DLGAP1: variants seen among roughly 807,000 people sequenced by gnomAD.
DLGAP1 encodes disks large-associated protein 1.
A neutral mutation model predicts 90.8 loss-of-function variants in DLGAP1; 11 were observed. The ratio of observed to expected loss-of-function variants is 0.12; its 90% CI spans 0.08 to 0.20. DLGAP1 has a LOEUF of 0.20. Ranked by LOEUF, DLGAP1 falls within the 10% of genes least tolerant of loss-of-function variation. The pLI is 1.00. For synonymous variants in DLGAP1, 558 were observed against 540.7 expected, an observed-to-expected ratio of 1.03 and a Z score of -0.44; for missense variants, 1,050 against 1,333.8, an observed-to-expected ratio of 0.79 and a Z score of 3.31.
chr18:4,087,602 C>A (rs1010735834), intron 2 of DLGAP1, among the ~76,000 whole-genome samples: 1 of 152,036 alleles, frequency 6.6e-6, no homozygotes, highest in African/African-American at 2.4e-5. Flanking sequence ...GCTGTGAGAC[C>A]CCTGATTTCC....
intron 7 of DLGAP1, among the ~76,000 whole-genome samples, chr18:3,720,181 T>TAAC (rs1431280318): frequency 6.6e-6 from 1 of 152,212 alleles, no homozygotes; most frequent in African/African-American, 2.4e-5. Context: ...ATATTAGAGA[T>TAAC]AACTTAGACT....
intron 6 of DLGAP1, among the ~76,000 whole-genome samples, chr18:3,736,748 G>C (rs1416378773): frequency 6.6e-6 from 1 of 152,014 alleles, no homozygotes; most frequent in Non-Finnish European, 1.5e-5. Context: ...AAAGCTAGCA[G>C]AAGGCAAGAA....
chr18:4,226,418 G>T (rs2145013204), intron 1 of DLGAP1, among the ~76,000 whole-genome samples: 1 of 151,874 alleles, frequency 6.6e-6, no homozygotes, highest in Admixed American at 6.6e-5. Flanking sequence ...AACTGTGGTG[G>T]GTAAACTTTT....
At chr18:4,451,938 T>C (rs1382161414) in intron 1 of DLGAP1, among the ~76,000 whole-genome samples, 1 of 152,074 alleles carries the variant, frequency 6.6e-6, no homozygotes, top group Non-Finnish European at 1.5e-5. Flanking sequence ...CGTGTTTAGG[T>C]TTTTCAAGAG....
At chr18:4,170,577 TAAGA>T (rs1337780467) in intron 1 of DLGAP1, among the ~76,000 whole-genome samples, 1 of 151,914 alleles carries the variant, frequency 6.6e-6, no homozygotes, top group Non-Finnish European at 1.5e-5. Context: ...ATATGAGATA[TAAGA>T]GATAGGGAAG....
intron 3 of DLGAP1, among the ~76,000 whole-genome samples, chr18:3,941,129 T>C (rs1006546010): frequency 2.0e-5 from 3 of 152,100 alleles, no homozygotes; most frequent in Admixed American, 2.0e-4. Flanking sequence ...AAATGTACAG[T>C]AAGGAAAAAA....
intron 7 of DLGAP1, among the ~76,000 whole-genome samples, chr18:3,702,836 G>C (rs1028485337): frequency 1.5e-4 from 23 of 152,170 alleles, no homozygotes. Context: ...GCTCGCTCCT[G>C]CAGCCACTCA....
intron 4 of DLGAP1, among the ~76,000 whole-genome samples, chr18:3,836,064 C>T (rs1380249183): frequency 6.6e-6 from 1 of 152,176 alleles, no homozygotes; most frequent in Non-Finnish European, 1.5e-5. Flanking sequence ...TCATACGATT[C>T]CACAGAGTTC....
At chr18:3,664,183 TACACACACACACACAC>T (rs35653599) in intron 7 of DLGAP1, among the ~76,000 whole-genome samples, 1 of 135,662 alleles carries the variant, frequency 7.4e-6, no homozygotes, top group Non-Finnish European at 1.6e-5. Flanking sequence ...TGGGTCAGTA[TACACACACACACACAC>T]ACACACACAC....
At chr18:3,755,656 T>TC (rs2063690990) in intron 5 of DLGAP1, among the ~76,000 whole-genome samples, 1 of 151,572 alleles carries the variant, frequency 6.6e-6, no homozygotes. Flanking sequence ...AACAATAGAG[T>TC]CCCAAAATAC....
At chr18:4,087,852 GGCTTT>G (rs1322681564) in intron 2 of DLGAP1, among the ~76,000 whole-genome samples, 1 of 140,160 alleles carries the variant, frequency 7.1e-6, no homozygotes, top group Admixed American at 6.9e-5. Flanking sequence ...TGTGTAGTTG[GGCTTT>G]GCTTTGTTTG....
At chr18:4,277,020 T>C (rs1417894000) in intron 1 of DLGAP1, among the ~76,000 whole-genome samples, 1 of 152,214 alleles carries the variant, frequency 6.6e-6, no homozygotes, top group Non-Finnish European at 1.5e-5. Flanking sequence ...ATAAATAAAT[T>C]TGTGTAGTAA....
At chr18:3,852,570 C>T (rs1035334373) in intron 4 of DLGAP1, among the ~76,000 whole-genome samples, 4 of 152,108 alleles carry the variant, frequency 2.6e-5, no homozygotes, top group South Asian at 4.1e-4. Context: ...AGAGAAATGT[C>T]GGCAAAAGAA....
At chr18:4,208,047 T>G (rs911069231) in intron 1 of DLGAP1, among the ~76,000 whole-genome samples, 3 of 152,218 alleles carry the variant, frequency 2.0e-5, no homozygotes, top group Admixed American at 2.0e-4. Flanking sequence ...TGTATAATAT[T>G]TTTCACTTTC....
At chr18:4,011,845 A>C (rs76046465) in intron 2 of DLGAP1, among the ~76,000 whole-genome samples, 2,000 of 152,134 alleles carry the variant, frequency 0.013, 45 homozygotes, top group African/African-American at 0.046. Flanking sequence ...AACGACAACA[A>C]CAACAACAAC....
chr18:3,635,178 T>C (rs1157366090), intron 7 of DLGAP1, among the ~76,000 whole-genome samples: 3 of 151,482 alleles, frequency 2.0e-5, no homozygotes, highest in Admixed American at 2.0e-4. Flanking sequence ...TCACCCAGGC[T>C]GGAGTGCAGT....
intron 2 of DLGAP1, among the ~76,000 whole-genome samples, chr18:4,102,036 G>C (rs1406200816): frequency 6.6e-6 from 1 of 152,030 alleles, no homozygotes; most frequent in Non-Finnish European, 1.5e-5. Flanking sequence ...GCAGTCTTCT[G>C]TGTATTAAAG....
intron 1 of DLGAP1, among the ~76,000 whole-genome samples, chr18:4,234,721 G>A (rs1435263986): frequency 6.6e-6 from 1 of 152,132 alleles, no homozygotes; most frequent in African/African-American, 2.4e-5. Context: ...TCAGATAACT[G>A]TAGTAATTAT....
rs150562127 is a variant in DLGAP1, at chr18:4,058,094, G to A, written c.-158-52893C>T. Among the ~76,000 whole-genome samples, 1,514 of 152,228 alleles carry A rather than the reference G, an allele frequency of 9.9e-3. 71 individuals are homozygous for A. Among genetic ancestry groups the A allele is most frequent in the Admixed American group, 0.087 (1,331 of 15,276 alleles). On this transcript the variant is annotated intron_variant, in intron 2 of 12. Transcript: ENST00000315677. ...TAGTAGGGTTAAAGCCTGAGACCAT[G>A]CAATGCCTGGGGTTTCCTCTGCTTT... is the stretch of plus-strand genomic sequence containing the variant.
Sources: gnomAD v4.1 joint callset for allele counts (sites outside exome capture counted in the v4.1 genomes callset) on GRCh38, gnomAD v4.1.1 for gene constraint, MANE v1.5 for transcripts, NCBI Gene and HGNC (gene_info 2026-07-23, HGNC 2026-07-21) for gene names.